The following PHKA2 variants were observed in gnomAD, a reference collection of about 807,000 sequenced individuals.
PHKA2 encodes phosphorylase kinase regulatory subunit alpha 2, also known as phosphorylase b kinase regulatory subunit alpha, liver isoform.
PHKA2 carries 31 observed loss-of-function variants against 102.0 expected under a neutral mutation model. The observed-to-expected ratio is 0.30, with a 90% CI of 0.23 to 0.41. The LOEUF is 0.41. PHKA2 is among the 10% of genes least tolerant of loss of function. The pLI is 1.00. For missense variants in PHKA2, 858 were observed against 1,023.1 expected (o/e 0.84, Z 2.20); for synonymous variants, 455 against 416.2 (o/e 1.09, Z -1.13).
chrX:18,897,408 C>T (rs2047589018), intron 29 of PHKA2, 75 bp from the exon 30 acceptor site: 8 of 1,018,912 alleles, frequency 7.9e-6, no homozygotes, highest in Admixed American at 2.5e-5. Context: ...TCTCGAAGGG[C>T]GGCCCTGCGA....
intron 1 of PHKA2, 92 bp downstream of exon 1, chrX:18,983,763 G>A (rs2049217557): frequency 1.3e-6 from 1 of 749,518 alleles, no homozygotes; most frequent in Admixed American, 2.2e-5. Flanking sequence ...TAATTGCAAG[G>A]TCTCAGGTCA....
intron 29 of PHKA2, among the ~76,000 whole-genome samples, chrX:18,898,453 G>C (rs2047615910): frequency 1.8e-5 from 2 of 113,040 alleles, no homozygotes; most frequent in Admixed American, 1.9e-4. Flanking sequence ...CTCTTTGCCT[G>C]GGACTATCTG....
At chrX:18,893,845 CCT>C (rs2047477536) in intron 32 of PHKA2, among the ~76,000 whole-genome samples, 190 bp from the exon 33 acceptor site, 1 of 112,478 alleles carries the variant, frequency 8.9e-6, no homozygotes, top group Non-Finnish European at 1.9e-5. Flanking sequence ...GAATGCCCTA[CCT>C]CTCTGGGCAC....
At position 18,925,648 on chromosome X, in the gene PHKA2, C is replaced by T. The variant is rs2048197567; in HGVS notation, c.1569+20G>A. On this transcript the variant is annotated intron_variant, in intron 15 of 32. Transcript: ENST00000379942. ...AAAGAGAACTTAAAAAAAAGATGCT[C>T]GTTGGCCTGCTCTCCTCACCTGGGG... 1.1e-6 allele frequency: 1 copy of T among 916,056 alleles called. No homozygotes were observed. Among genetic ancestry groups the T allele is most frequent in the Non-Finnish European group, 1.6e-6 (1 of 625,644 alleles). 75.5% of individuals were successfully genotyped at this position (916,056 alleles called of 1,213,427 possible). A position where few individuals can be genotyped will look rare whatever the true frequency, so the allele number is the denominator to read the frequency against.
At position 18,936,166 on chromosome X, in the gene PHKA2, A is replaced by G; in HGVS notation, c.1042-16T>C. 9.1e-7 allele frequency: 1 copy of G among 1,095,463 alleles called. No individual in the cohort carries two copies. The highest frequency in any genetic ancestry group is 1.3e-6 in the Non-Finnish European group (1 of 791,932). 90.3% of individuals were successfully genotyped at this position (1,095,463 alleles called of 1,213,427 possible). On this transcript the variant is annotated splice_polypyrimidine_tract_variant and intron_variant, in intron 10 of 32. Coordinates refer to ENST00000379942, the MANE Select transcript of PHKA2 (RefSeq NM_000292.3). Reference sequence around the variant, plus strand: ...ATTCTTGGACCTGGAAAACAGCCCCATCATCCATGGCAGGAAGGAGGTCTG... The same window carrying G: ...ATTCTTGGACCTGGAAAACAGCCCCGTCATCCATGGCAGGAAGGAGGTCTG...
At chrX:18,974,918 T>TC (rs1361356128) in intron 1 of PHKA2, among the ~76,000 whole-genome samples, 1 of 110,876 alleles carries the variant, frequency 9.0e-6, no homozygotes, top group Admixed American at 9.6e-5. Context: ...TGGCAGTACC[T>TC]CCCCCTCATA....
intron 10 of PHKA2, among the ~76,000 whole-genome samples, chrX:18,938,094 T>C (rs753337967): frequency 2.7e-5 from 3 of 112,917 alleles, no homozygotes; most frequent in Admixed American, 9.3e-5. Context: ...GGGATGGTCC[T>C]TTAGCCAACA....
rs760820112 is a variant in PHKA2 at position 18,894,428 on chromosome X, C to A, written c.3337-24G>T. On this transcript the variant is annotated intron_variant, in intron 31 of 32. Coordinates refer to ENST00000379942, the MANE Select transcript of PHKA2 (RefSeq NM_000292.3). ...ATCTACCAAAGGGACAGGCAGGCAACCACCAGTGAGAGGACAGATGCAGCC... is the reference window on the plus strand; with the variant it reads ...ATCTACCAAAGGGACAGGCAGGCAAACACCAGTGAGAGGACAGATGCAGCC... 1.6e-5 allele frequency: 18 copies of A among 1,159,631 alleles called. No homozygotes were observed. In the South Asian group the frequency reaches 2.3e-4, roughly 15 times the overall value.
At chrX:18,966,905 A>C (rs1322185474) in intron 1 of PHKA2, among the ~76,000 whole-genome samples, 2 of 111,625 alleles carry the variant, frequency 1.8e-5, no homozygotes, top group Admixed American at 1.9e-4. Context: ...ACGGGAGGGG[A>C]AGCTACTGCA....
intron 15 of PHKA2, among the ~76,000 whole-genome samples, 199 bp downstream of exon 15, chrX:18,925,469 G>A (rs967000135): frequency 2.1e-4 from 23 of 112,185 alleles, no homozygotes; most frequent in African/African-American, 6.8e-4. Context: ...ATTCATGACT[G>A]GAAGTGATGG....
intron 1 of PHKA2, among the ~76,000 whole-genome samples, chrX:18,973,458 A>G (rs189920632): frequency 2.4e-4 from 27 of 111,859 alleles, no homozygotes; most frequent in Non-Finnish European, 3.2e-4. Context: ...TTGGGGGATA[A>G]ACCACACCTG....
At position 18,982,108 on chromosome X, in the gene PHKA2, T is replaced by C. The variant is rs748769488; in HGVS notation, c.78+1747A>G. Among the ~76,000 whole-genome samples the C allele has an allele frequency of 4.5e-5, 5 of 111,584 alleles. No homozygotes were observed. The East Asian group carries it at 1.4e-3, about 32-fold the overall frequency. On this transcript the variant is annotated intron_variant, in intron 1 of 32. Coordinates refer to ENST00000379942, the MANE Select transcript of PHKA2 (RefSeq NM_000292.3). ...ATATTCCAAGGAAGAAGGGGAAAAA[T>C]AACCTTGATTTGCCTGCCTACTTCT...
intron 30 of PHKA2, 76 bp from the exon 31 acceptor site, chrX:18,895,267 T>G: frequency 1.1e-6 from 1 of 918,548 alleles, no homozygotes; most frequent in Non-Finnish European, 1.6e-6. Flanking sequence ...CAGGCGTGCA[T>G]GCACACACAG....
chrX:18,931,778 A>G (rs770495099), intron 11 of PHKA2, 30 bp from the exon 12 acceptor site: 21 of 990,741 alleles, frequency 2.1e-5, no homozygotes, highest in Non-Finnish European at 2.9e-5. Flanking sequence ...CAAAGTCAGA[A>G]AGTCAGAGGA....
chrX:18,969,652 A>G (rs770239619), intron 1 of PHKA2, among the ~76,000 whole-genome samples: 27 of 111,508 alleles, frequency 2.4e-4, no homozygotes, highest in Admixed American at 1.5e-3. Context: ...CAGTGAAAAA[A>G]GGCAAATCAC....
intron 12 of PHKA2, 92 bp downstream of exon 12, chrX:18,931,549 C>T (rs1378824649): frequency 1.7e-5 from 11 of 646,296 alleles, no homozygotes; most frequent in African/African-American, 4.3e-5. Context: ...GACATCCACA[C>T]GCACGCCTGG....
In PHKA2 at chrX:18,927,521, A is replaced by G. The variant is rs747670627; in HGVS notation, c.1325-934T>C. On this transcript the variant is annotated intron_variant, in intron 13 of 32. Transcript: ENST00000379942. ...AGCGCAGGATTGGCTACTGTTAAGTACAATCATTGTACTCACAGGCTAGTG... is the reference window on the plus strand; with the variant it reads ...AGCGCAGGATTGGCTACTGTTAAGTGCAATCATTGTACTCACAGGCTAGTG... Among the ~76,000 whole-genome samples the G allele has an allele frequency of 7.1e-5, 8 of 112,486 alleles. No individual in the cohort carries two copies. In the East Asian group the frequency reaches 2.0e-3, roughly 28 times the overall value.
rs1207963043 is a variant in PHKA2, at chrX:18,948,875, C to G, written c.455-49G>C. On this transcript the variant is annotated intron_variant, in intron 4 of 32. Transcript: ENST00000379942. ...TATGAAGCCATGTTGCAGAGAGCTGCCAGTCACAAATTACAAATATCACAC... is the reference window on the plus strand; with the variant it reads ...TATGAAGCCATGTTGCAGAGAGCTGGCAGTCACAAATTACAAATATCACAC... 4.8e-6 allele frequency: 4 copies of G among 827,495 alleles called. No homozygotes were observed. In the Admixed American group the frequency reaches 9.0e-5, roughly 19 times the overall value. The allele number at this position is 827,495 out of a possible 1,213,427, so 68.2% of individuals were successfully genotyped here.
chrX:18,918,083 G>A (rs1314748593), intron 19 of PHKA2, among the ~76,000 whole-genome samples: 1 of 111,196 alleles, frequency 9.0e-6, no homozygotes, highest in South Asian at 3.8e-4. Context: ...GGCCTAGAGC[G>A]CAGTCAGCAC....
Sources: allele counts gnomAD v4.1 joint callset (sites outside exome capture counted in the v4.1 genomes callset), GRCh38; gene constraint gnomAD v4.1.1; transcripts MANE v1.5; gene names NCBI Gene and HGNC (gene_info 2026-07-23, HGNC 2026-07-21).